CDH12: variants seen among roughly 807,000 people sequenced by gnomAD.
CDH12 encodes the protein cadherin-12.
Under a neutral mutation model 74.1 loss-of-function variants are expected in CDH12, and 41 were observed. The observed-to-expected ratio is 0.55, with a 90% confidence interval of 0.43 to 0.72. The LOEUF is 0.72. Among genes scored for constraint, CDH12 ranks in the 30% least tolerant of loss-of-function variants. The probability of loss-of-function intolerance (pLI) is 0.00; values close to 1 mark genes in which losing one functional copy is unlikely to be tolerated. For synonymous variants in CDH12, 399 were observed against 355.0 expected, an observed-to-expected ratio of 1.12 and a Z score of -1.39; for missense variants, 945 against 977.2, an observed-to-expected ratio of 0.97 and a Z score of 0.44.
At chr5:22,282,461 T>C (rs535004773) in intron 3 of CDH12, among the ~76,000 whole-genome samples, 2 of 152,180 alleles carry the variant, frequency 1.3e-5, no homozygotes, top group Admixed American at 6.5e-5. Flanking sequence ...ACAGGCAACC[T>C]ACAGAATGGG....
chr5:22,213,979 G>C (rs966637359), intron 3 of CDH12, among the ~76,000 whole-genome samples: 1 of 151,706 alleles, frequency 6.6e-6, no homozygotes, highest in Admixed American at 6.6e-5. Context: ...GAGGAAGAGC[G>C]AGAAGCTATA....
At chr5:22,305,425 C>G (rs949551297) in intron 3 of CDH12, among the ~76,000 whole-genome samples, 1 of 152,126 alleles carries the variant, frequency 6.6e-6, no homozygotes, top group African/African-American at 2.4e-5. Context: ...AAAGAAACTA[C>G]TCTCATCTGT....
intron 9 of CDH12, among the ~76,000 whole-genome samples, chr5:21,810,454 G>A (rs1203291905): frequency 2.0e-5 from 3 of 152,076 alleles, no homozygotes; most frequent in African/African-American, 4.8e-5. Flanking sequence ...AGGAATGGAA[G>A]CGGTGTTAGA....
At chr5:22,601,014 C>A (rs1431651458) in intron 1 of CDH12, among the ~76,000 whole-genome samples, 1 of 152,084 alleles carries the variant, frequency 6.6e-6, no homozygotes, top group East Asian at 1.9e-4. Flanking sequence ...GTAGAACTGG[C>A]CACTGAAGAA....
intron 1 of CDH12, among the ~76,000 whole-genome samples, chr5:22,685,458 G>C (rs2126963): frequency 0.071 from 10,746 of 152,110 alleles, 610 homozygotes; most frequent in East Asian, 0.15. Context: ...GGATGGTCTC[G>C]ATCTCCTGAC....
At chr5:22,325,697 T>A (rs1739058502) in intron 3 of CDH12, among the ~76,000 whole-genome samples, 1 of 152,012 alleles carries the variant, frequency 6.6e-6, no homozygotes, top group African/African-American at 2.4e-5. Flanking sequence ...CCATCCTGGC[T>A]AACGCGGTGA....
chr5:22,739,332 A>G (rs1744901430), intron 1 of CDH12, among the ~76,000 whole-genome samples: 1 of 134,878 alleles, frequency 7.4e-6, no homozygotes, highest in African/African-American at 2.6e-5. Flanking sequence ...TTTTACTTAC[A>G]TTAAAGAAAA....
At chr5:21,925,222 T>G (rs1250092082) in intron 6 of CDH12, among the ~76,000 whole-genome samples, 1 of 152,210 alleles carries the variant, frequency 6.6e-6, no homozygotes, top group East Asian at 1.9e-4. Context: ...TTTTCCCTTG[T>G]GAAAAGAAGA....
chr5:21,896,537 G>T (rs971512586), intron 6 of CDH12, among the ~76,000 whole-genome samples: 53 of 152,262 alleles, frequency 3.5e-4, no homozygotes, highest in African/African-American at 1.0e-3. Context: ...ATACCAGATT[G>T]TTATAAAAGC....
intron 6 of CDH12, chr5:21,889,845 T>C (rs987618119): frequency 3.0e-6 from 3 of 985,364 alleles, no homozygotes; most frequent in Non-Finnish European, 3.6e-6. Context: ...TAAAACCCTC[T>C]TTGTGTTAGC....
intron 6 of CDH12, among the ~76,000 whole-genome samples, chr5:21,891,794 T>A (rs1752911492): frequency 6.6e-6 from 1 of 152,110 alleles, no homozygotes; most frequent in South Asian, 2.1e-4. Flanking sequence ...CCTTGCTAAA[T>A]GTACCTTATT....
At chr5:22,434,734 C>T (rs1744309963) in intron 2 of CDH12, among the ~76,000 whole-genome samples, 1 of 152,206 alleles carries the variant, frequency 6.6e-6, no homozygotes, top group East Asian at 1.9e-4. Flanking sequence ...TTTAAGACTA[C>T]ATATTTCAAG....
At chr5:21,790,381 A>C (rs1746423356) in intron 10 of CDH12, among the ~76,000 whole-genome samples, 1 of 152,062 alleles carries the variant, frequency 6.6e-6, no homozygotes, top group Admixed American at 6.6e-5. Flanking sequence ...ATATCTTGCA[A>C]GCTCAGTAAA....
rs533105907 is a variant in CDH12 at position 22,315,032 on chromosome 5, C to T, written c.-333+90225G>A. ...GCAGTGGCGCGATCTAGGCTCACTG[C>T]AAGCTCCGCCTCCCAGGTTCATGCC... On this transcript the variant is annotated intron_variant, in intron 3 of 14. Coordinates refer to ENST00000382254, the MANE Select transcript of CDH12 (RefSeq NM_004061.5). Among the ~76,000 whole-genome samples, 59 of 115,650 alleles carry T rather than the reference C, an allele frequency of 5.1e-4. 2 individuals carry two copies. Among genetic ancestry groups the T allele is most frequent in the Admixed American group, 1.7e-3 (19 of 11,148 alleles). The allele number at this position is 115,650 out of a possible 152,430, so 75.9% of individuals were successfully genotyped here.
intron 3 of CDH12, among the ~76,000 whole-genome samples, chr5:22,241,231 A>T (rs1752737888): frequency 6.6e-6 from 1 of 152,060 alleles, no homozygotes; most frequent in Non-Finnish European, 1.5e-5. Context: ...TGACATATAA[A>T]TACACTTTTT....
chr5:22,641,410 T>G (rs920478190), intron 1 of CDH12, among the ~76,000 whole-genome samples: 1 of 152,064 alleles, frequency 6.6e-6, no homozygotes, highest in African/African-American at 2.4e-5. Flanking sequence ...TTTTGTCTAT[T>G]TGGGGCCCCA....
intron 3 of CDH12, among the ~76,000 whole-genome samples, chr5:22,275,394 C>T (rs1736589695): frequency 6.6e-6 from 1 of 151,722 alleles, no homozygotes; most frequent in African/African-American, 2.4e-5. Flanking sequence ...AAACAGTAAA[C>T]CTAAGAATCT....
intron 1 of CDH12, among the ~76,000 whole-genome samples, chr5:22,824,036 TAA>T (rs752694585): frequency 1.3e-5 from 2 of 152,072 alleles, no homozygotes; most frequent in Non-Finnish European, 2.9e-5. Context: ...ATAATAATGA[TAA>T]AGAGATAATA....
intron 1 of CDH12, among the ~76,000 whole-genome samples, chr5:22,850,466 G>C (rs934861318): frequency 6.6e-6 from 1 of 151,932 alleles, no homozygotes; most frequent in African/African-American, 2.4e-5. Context: ...ACAATTAAAT[G>C]TATTTTTGGG....
Sources: allele counts gnomAD v4.1 joint callset (sites outside exome capture counted in the v4.1 genomes callset), GRCh38; gene constraint gnomAD v4.1.1; transcripts MANE v1.5; gene names NCBI Gene and HGNC (gene_info 2026-07-23, HGNC 2026-07-21).